Variants in FRAS1 observed in about 807,000 individuals in gnomAD.
FRAS1 encodes the protein extracellular matrix organizing protein FRAS1.
FRAS1 carries 290 observed loss-of-function variants against 435.2 expected under a neutral mutation model. The ratio of observed to expected loss-of-function variants is 0.67; its 90% CI spans 0.61 to 0.73. The LOEUF is 0.73. Among genes scored for constraint, FRAS1 ranks in the 30% least tolerant of loss-of-function variants. The pLI is 0.00. For synonymous variants in FRAS1, 1,800 were observed against 1,851.0 expected, an observed-to-expected ratio of 0.97 and a Z score of 0.71; for missense variants, 4,860 against 5,001.5, an observed-to-expected ratio of 0.97 and a Z score of 0.85.
rs138885189 is a variant in FRAS1, at chr4:78,471,351, T to C, written c.7372-829T>C. Among the ~76,000 whole-genome samples, 119 of 152,274 alleles carry C rather than the reference T, an allele frequency of 7.8e-4. 1 individual carries two copies. The East Asian group carries it at 0.022, about 28-fold the overall frequency. On this transcript the variant is annotated intron_variant, in intron 51 of 73. Coordinates refer to ENST00000512123, the MANE Select transcript of FRAS1 (RefSeq NM_025074.7). ...GTAGATGTTGCACTATAGCTTCTAA[T>C]TGAACTGGTTGGGTTTTAAAAAAAA...
Position 78,245,255 on chromosome 4 carries a change from C to T in FRAS1, c.239C>T (p.Ala80Val), listed in dbSNP as rs374032910. The change falls in exon 4 of 74, where the codon GCC becomes GTC. Residue 80 changes from alanine to valine, a missense_variant. By Grantham distance (64) the Ala-to-Val change is moderately conservative. Coordinates refer to ENST00000512123, the MANE Select transcript of FRAS1 (RefSeq NM_025074.7). ...FEKGEVLQIA[A>V]NQCCPECVLR... ...CAGGGAGAAGTGCTTCAAATAGCTGCCAACCAATGCTGTCCTGAGTGTGTT... is the reference window on the plus strand; with the variant it reads ...CAGGGAGAAGTGCTTCAAATAGCTGTCAACCAATGCTGTCCTGAGTGTGTT... The T allele has an allele frequency of 8.1e-6, 13 of 1,607,836 alleles. No homozygotes were observed. The highest frequency in any genetic ancestry group is 1.3e-5 in the African/African-American group (1 of 74,796).
intron 61 of FRAS1, among the ~76,000 whole-genome samples, chr4:78,503,139 G>A (rs866495489): frequency 1.3e-5 from 2 of 152,140 alleles, no homozygotes; most frequent in African/African-American, 2.4e-5. Context: ...GAGGATTTTC[G>A]CATTGATGGT....
At chr4:78,473,631 A>G (rs1299409257) in intron 53 of FRAS1, 34 bp downstream of exon 53, 16 of 1,529,568 alleles carry the variant, frequency 1.0e-5, no homozygotes, top group Non-Finnish European at 1.4e-5. Context: ...TTCTTGAGAA[A>G]TCAATCAGGC....
intron 2 of FRAS1, among the ~76,000 whole-genome samples, chr4:78,208,962 C>A (rs1346550300): frequency 1.3e-5 from 2 of 151,822 alleles, no homozygotes; most frequent in Non-Finnish European, 2.9e-5. Flanking sequence ...CAAAGTGAGA[C>A]CCTGTCTCTA....
intron 56 of FRAS1, among the ~76,000 whole-genome samples, 177 bp downstream of exon 56, chr4:78,479,895 TAG>T (rs1174919035): frequency 1.3e-5 from 2 of 152,304 alleles, no homozygotes; most frequent in African/African-American, 4.8e-5. Context: ...GAATTTATTA[TAG>T]AGAGTTCCAT....
At chr4:78,199,288 T>G (rs1260335039) in intron 2 of FRAS1, among the ~76,000 whole-genome samples, 1 of 152,206 alleles carries the variant, frequency 6.6e-6, no homozygotes, top group Non-Finnish European at 1.5e-5. Context: ...ATTTAAGTTT[T>G]TAAGAACAGT....
chr4:78,181,328 G>C, intron 2 of FRAS1: 1 of 1,609,580 alleles, frequency 6.2e-7, no homozygotes, highest in East Asian at 2.2e-5. Flanking sequence ...TGTTTCGTCA[G>C]TCACATTTGA....
chr4:78,272,016 G>A (rs1726723820), intron 9 of FRAS1, among the ~76,000 whole-genome samples: 1 of 152,220 alleles, frequency 6.6e-6, no homozygotes, highest in Admixed American at 6.5e-5. Context: ...TCTAACTGGT[G>A]TGAGACGGTA....
chr4:78,326,863 C>A (rs1222764338), intron 18 of FRAS1, among the ~76,000 whole-genome samples: 1 of 152,042 alleles, frequency 6.6e-6, no homozygotes, highest in Non-Finnish European at 1.5e-5. Flanking sequence ...TCTATCCACC[C>A]CCACACACAC....
intron 18 of FRAS1, among the ~76,000 whole-genome samples, chr4:78,331,295 G>A (rs1169607587): frequency 6.6e-6 from 1 of 152,082 alleles, no homozygotes; most frequent in Non-Finnish European, 1.5e-5. Flanking sequence ...TAAGGCAGGG[G>A]CACTGCCCAG....
intron 2 of FRAS1, among the ~76,000 whole-genome samples, chr4:78,194,623 C>A (rs2110068072): frequency 6.6e-6 from 1 of 152,298 alleles, no homozygotes; most frequent in East Asian, 1.9e-4. Flanking sequence ...TCAGCTCCAT[C>A]AGGTCCTTTA....
chr4:78,103,563 G>A (rs1327878167), intron 2 of FRAS1, among the ~76,000 whole-genome samples: 1 of 152,152 alleles, frequency 6.6e-6, no homozygotes, highest in Non-Finnish European at 1.5e-5. Flanking sequence ...CCAGAATTCA[G>A]ATGTTGAAAT....
At chr4:78,319,178 G>A (rs1729399635) in intron 18 of FRAS1, among the ~76,000 whole-genome samples, 192 bp downstream of exon 18, 1 of 152,204 alleles carries the variant, frequency 6.6e-6, no homozygotes, top group Non-Finnish European at 1.5e-5. Context: ...GTGAACCATA[G>A]ATGATCTTAA....
intron 29 of FRAS1, among the ~76,000 whole-genome samples, chr4:78,398,157 C>T (rs1272520928): frequency 2.6e-5 from 4 of 152,098 alleles, no homozygotes; most frequent in African/African-American, 9.7e-5. Context: ...TCTGTTTCTC[C>T]TTATATACTG....
At chr4:78,403,214 A>C (rs938126646) in intron 30 of FRAS1, among the ~76,000 whole-genome samples, 1 of 152,168 alleles carries the variant, frequency 6.6e-6, no homozygotes, top group African/African-American at 2.4e-5. Flanking sequence ...TAAGCCCCCA[A>C]ATTTCCTAGA....
intron 18 of FRAS1, among the ~76,000 whole-genome samples, chr4:78,332,517 A>G (rs909430403): frequency 6.6e-6 from 1 of 152,128 alleles, no homozygotes; most frequent in African/African-American, 2.4e-5. Flanking sequence ...TATAGCCAAG[A>G]TTTATTAAGC....
intron 2 of FRAS1, among the ~76,000 whole-genome samples, chr4:78,080,438 G>C (rs1270582885): frequency 6.6e-6 from 1 of 152,140 alleles, no homozygotes; most frequent in Non-Finnish European, 1.5e-5. Flanking sequence ...TAACTGTATA[G>C]ACTTAAAATC....
intron 14 of FRAS1, among the ~76,000 whole-genome samples, chr4:78,287,681 A>C (rs535162234): frequency 9.3e-4 from 141 of 152,300 alleles, no homozygotes; most frequent in Non-Finnish European, 6.8e-4. Flanking sequence ...AAAAAGGCTA[A>C]GTTCATGGTA....
intron 2 of FRAS1, among the ~76,000 whole-genome samples, chr4:78,127,316 G>A (rs1176478792): frequency 6.6e-6 from 1 of 152,152 alleles, no homozygotes; most frequent in Non-Finnish European, 1.5e-5. Flanking sequence ...ATGAAGGATT[G>A]AAGCCCTTTT....
Sources: allele counts gnomAD v4.1 joint callset (sites outside exome capture counted in the v4.1 genomes callset), GRCh38; gene constraint gnomAD v4.1.1; transcripts MANE v1.5; gene names NCBI Gene and HGNC (gene_info 2026-07-23, HGNC 2026-07-21).